Variants in NLRC5 observed in about 807,000 individuals in gnomAD.
The protein encoded by NLRC5 is NLR family CARD domain containing 5.
In NLRC5, 114 loss-of-function variants were observed where a neutral mutation model predicts 206.9. The ratio of observed to expected loss-of-function variants is 0.55; its 90% confidence interval spans 0.47 to 0.64. NLRC5 has a LOEUF of 0.64. NLRC5 is among the 30% of genes least tolerant of loss of function. The pLI, the probability that NLRC5 is intolerant of heterozygous loss-of-function variation, is 0.00. For synonymous variants in NLRC5, 952 were observed against 962.8 expected, an observed-to-expected ratio of 0.99 and a Z score of 0.21; for missense variants, 2,008 against 2,305.5, an observed-to-expected ratio of 0.87 and a Z score of 2.64.
intron 4 of NLRC5, among the ~76,000 whole-genome samples, chr16:57,023,137 G>A (rs932524557): frequency 6.6e-6 from 1 of 152,200 alleles, no homozygotes; most frequent in Non-Finnish European, 1.5e-5. Flanking sequence ...ACTTAGCTTA[G>A]CTGTAGGAGG....
intron 10 of NLRC5, 88 bp from the exon 11 acceptor site, chr16:57,031,316 C>T: frequency 7.2e-7 from 1 of 1,385,020 alleles, no homozygotes; most frequent in Non-Finnish European, 1.0e-6. Context: ...GATGTTTGAA[C>T]ATTTGGGGCA....
chr16:57,025,689 A>C lies in NLRC5; in HGVS notation c.746A>C (p.His249Pro). ...HRLCQKWAEG[H>P]LNCFQALFLF... ...CTCTGCCAGAAGTGGGCAGAGGGCC[A>C]TCTGAACTGTTTCCAGGCCCTGTTC... Residue 249 changes from histidine to proline, a missense_variant, in exon 6 of 49, where the codon CAT (histidine) becomes CCT (proline). Coordinates refer to ENST00000688547, the MANE Select transcript of NLRC5 (RefSeq NM_001384950.1). The C allele has an allele frequency of 1.2e-6, 2 of 1,614,236 alleles. No individual in the cohort carries two copies. The highest frequency in any genetic ancestry group is 1.7e-6 in the Non-Finnish European group (2 of 1,180,040).
In NLRC5 at chr16:57,011,941, G is replaced by A. The variant is rs148332372; in HGVS notation, c.-127-5133G>A. Among the ~76,000 whole-genome samples, 332 of 152,246 alleles carry A rather than the reference G, an allele frequency of 2.2e-3. 2 individuals are homozygous for A. Among genetic ancestry groups the A allele is most frequent in the African/African-American group, 7.8e-3 (322 of 41,528 alleles). ...GTAAAATCTATCCATTTTAGGTGTA[G>A]GATTCAGTGATTTCTGGTAAATTTA... On this transcript the variant is annotated intron_variant, in intron 1 of 48. Transcript: ENST00000688547.
In NLRC5 at chr16:57,026,574, ATTCCCGCTGG is replaced by A; in HGVS notation, c.1632_1641del (p.His544GlnfsTer49). ...ACACTTACCCAGTATGTTACCCTCC[ATTCCCGCTGG>A]GTACAGCGGACCAAAGCTAGACTGG... is the stretch of plus-strand genomic sequence containing the variant. On this transcript the variant is annotated frameshift_variant, in exon 6 of 49. Transcript: ENST00000688547. LOFTEE classifies it high-confidence loss of function. 6.2e-7 allele frequency: 1 copy of A among 1,614,096 alleles called. No individual in the cohort carries two copies. The highest frequency in any genetic ancestry group is 8.5e-7 in the Non-Finnish European group (1 of 1,180,016).
At chr16:56,996,301 C>T (rs2057604356) in intron 1 of NLRC5, among the ~76,000 whole-genome samples, 1 of 152,158 alleles carries the variant, frequency 6.6e-6, no homozygotes, top group Admixed American at 6.6e-5. Context: ...CCTCAGCCTC[C>T]CAAGTAGATG....
intron 32 of NLRC5, 28 bp from the exon 33 acceptor site, chr16:57,065,184 G>C (rs572020813): frequency 1.4e-6 from 2 of 1,455,702 alleles, no homozygotes; most frequent in South Asian, 1.4e-5. Context: ...CCTTGGGGGG[G>C]CCTTATCTGT....
chr16:57,055,935 T>C (rs977028305), intron 27 of NLRC5, among the ~76,000 whole-genome samples: 7 of 152,246 alleles, frequency 4.6e-5, no homozygotes, highest in African/African-American at 1.7e-4. Flanking sequence ...GGTATCTGCG[T>C]GGCCTGTCTT....
chr16:57,050,384 C>T (rs1438916748), intron 23 of NLRC5, among the ~76,000 whole-genome samples: 2 of 152,214 alleles, frequency 1.3e-5, no homozygotes, highest in African/African-American at 4.8e-5. Flanking sequence ...TGATGTAGGG[C>T]CCCTGTACTC....
chr16:57,043,804 G>A (rs890191700), intron 20 of NLRC5, 200 bp downstream of exon 20: 33 of 600,590 alleles, frequency 5.5e-5, no homozygotes, highest in Non-Finnish European at 8.4e-5. Context: ...ATGGCCTCAC[G>A]GATGCTCAAA....
intron 1 of NLRC5, among the ~76,000 whole-genome samples, chr16:56,996,128 G>T (rs1445396689): frequency 6.6e-6 from 1 of 152,150 alleles, no homozygotes; most frequent in African/African-American, 2.4e-5. Flanking sequence ...CCCAGCTACA[G>T]TTCAACAGCA....
rs371123314 is a variant in NLRC5, at chr16:57,031,409, C to T, written c.2423C>T (p.Ala808Val). ...PTVRMLQARE[A>V]DLIFLLSPPT... ...CTTGGTATCTGATCCTGCAGGGAGG[C>T]GGACCTCATCTTCCTTCTTTCCCCG... The change falls in exon 11 of 49, where the codon GCG (alanine) becomes GTG (valine). Residue 808 changes from alanine (A) to valine (V), a missense_variant. Physicochemically the swap from Ala to Val is moderately conservative, Grantham distance 64 (BLOSUM62 0). Coordinates refer to ENST00000688547, the MANE Select transcript of NLRC5 (RefSeq NM_001384950.1). 1.5e-5 allele frequency: 25 copies of T among 1,613,506 alleles called. No homozygotes were observed. The highest frequency in any genetic ancestry group is 3.3e-5 in the Admixed American group (2 of 59,954).
At chr16:57,057,486 G>A (rs2065829919) in intron 27 of NLRC5, among the ~76,000 whole-genome samples, 1 of 152,240 alleles carries the variant, frequency 6.6e-6, no homozygotes, top group South Asian at 2.1e-4. Flanking sequence ...AACTTCAGGT[G>A]AGGTTTCCAA....
intron 18 of NLRC5, 85 bp downstream of exon 18, chr16:57,041,659 T>A (rs2063302352): frequency 9.3e-7 from 1 of 1,076,600 alleles, no homozygotes; most frequent in South Asian, 1.3e-5. Context: ...TTTTTAAGAT[T>A]TAGATCAACT....
At position 57,037,295 on chromosome 16, in the gene NLRC5, C is replaced by T; in HGVS notation, c.2801+11C>T. 6.2e-7 allele frequency: 1 copy of T among 1,606,462 alleles called. No homozygotes were observed. The highest frequency in any genetic ancestry group is 8.5e-7 in the Non-Finnish European group (1 of 1,177,308). ...AGAGCTGCACATCAGGTGGGAGCTC[C>T]CTCAGACCACGGTACCCATCCCCCC... On this transcript the variant is annotated intron_variant, in intron 15 of 48. Transcript: ENST00000688547.
chr16:57,051,799 G>C (rs1407348362), intron 24 of NLRC5, among the ~76,000 whole-genome samples, 178 bp downstream of exon 24: 1 of 150,704 alleles, frequency 6.6e-6, no homozygotes, highest in Non-Finnish European at 1.5e-5. Context: ...GGCACAACTG[G>C]GGACTCCAAT....
In NLRC5 at chr16:57,081,175, G is replaced by C; in HGVS notation, c.5399G>C (p.Arg1800Thr). ...CTGCCGCAGATGGGCCGGCTGAAGA[G>C]AGTGGAGTATGAGGGGCCGGGGGAG... ...QVLPQMGRLK[R>T]VDLEKNQITA... The change falls in exon 47 of 49, where the codon AGA becomes ACA. Residue 1800 changes from arginine to threonine, a missense_variant. Coordinates refer to ENST00000688547, the MANE Select transcript of NLRC5 (RefSeq NM_001384950.1). 2 of 1,541,294 alleles carry C rather than the reference G, an allele frequency of 1.3e-6. No homozygotes were observed. The highest frequency in any genetic ancestry group is 2.0e-5 in the Admixed American group (1 of 51,056).
At chr16:57,040,607 G>C in intron 16 of NLRC5, 43 bp from the exon 17 acceptor site, 1 of 1,587,920 alleles carries the variant, frequency 6.3e-7, no homozygotes, top group Non-Finnish European at 8.6e-7. Context: ...GGAGATGGCG[G>C]ACATGGCCTT....
At chr16:56,997,397 A>G (rs2057741653) in intron 1 of NLRC5, among the ~76,000 whole-genome samples, 1 of 152,030 alleles carries the variant, frequency 6.6e-6, no homozygotes, top group South Asian at 2.1e-4. Flanking sequence ...TGTAGTATTA[A>G]TGTCTCCAAC....
chr16:57,040,722 C>CTGGAGA lies in NLRC5; in HGVS notation c.2939+4_2939+5insTGGAGA. The CTGGAGA allele has an allele frequency of 6.2e-7, 1 of 1,613,660 alleles. No homozygotes were observed. Among genetic ancestry groups the CTGGAGA allele is most frequent in the South Asian group, 1.1e-5 (1 of 91,080 alleles). Reference sequence around the variant, plus strand: ...CTCTGAGCTCCCGAAGGATGAGGTACAGTGATGGCCTCCAGCCCTGTGTGT... The same window carrying CTGGAGA: ...CTCTGAGCTCCCGAAGGATGAGGTACTGGAGAAGTGATGGCCTCCAGCCCTGTGTGT... On this transcript the variant is annotated splice_donor_region_variant and intron_variant, in intron 17 of 48. Transcript: ENST00000688547.
Sources: gnomAD v4.1 joint callset for allele counts (sites outside exome capture counted in the v4.1 genomes callset) on GRCh38, gnomAD v4.1.1 for gene constraint, MANE v1.5 for transcripts, NCBI Gene and HGNC (gene_info 2026-07-23, HGNC 2026-07-21) for gene names.